The following PIGN variants were observed in gnomAD, a reference collection of about 807,000 sequenced individuals.
PIGN encodes the protein phosphatidylinositol glycan anchor biosynthesis class N, also known as GPI ethanolamine phosphate transferase 1.
In PIGN, 117 loss-of-function variants were observed where a neutral mutation model predicts 125.4. That is an observed-to-expected ratio of 0.93 (90% confidence interval 0.80 to 1.09). The LOEUF is 1.09. Among genes scored for constraint, PIGN ranks in the 50% least tolerant of loss-of-function variants. PIGN has a pLI of 0.00. For synonymous variants in PIGN, 392 were observed against 377.8 expected, an observed-to-expected ratio of 1.04 and a Z score of -0.44; for missense variants, 1,075 against 1,094.9, an observed-to-expected ratio of 0.98 and a Z score of 0.26.
intron 10 of PIGN, among the ~76,000 whole-genome samples, chr18:62,144,650 C>T (rs2036253915): frequency 6.6e-6 from 1 of 152,188 alleles, no homozygotes; most frequent in South Asian, 2.1e-4. Flanking sequence ...TTAGCCCACT[C>T]TATAAAATGT....
intron 23 of PIGN, among the ~76,000 whole-genome samples, chr18:62,024,468 C>A (rs997975220): frequency 2.6e-5 from 4 of 152,174 alleles, no homozygotes; most frequent in African/African-American, 7.2e-5. Context: ...TATCTGATAT[C>A]ATTTATACAA....
chr18:62,024,510 G>C lies in PIGN; in HGVS notation c.2143-6769C>G, dbSNP rs9963675. Among the ~76,000 whole-genome samples, 960 of 152,154 alleles carry C rather than the reference G, an allele frequency of 6.3e-3. 5 individuals carry two copies. Among genetic ancestry groups the C allele is most frequent in the African/African-American group, 0.017 (701 of 41,482 alleles). ...AGAAATTCTCTCCCCCTTAACCCTG[G>C]TTCTCCTCTTTTTCCTCCTCTCTAT... On this transcript the variant is annotated intron_variant, in intron 23 of 24. Coordinates refer to the PIGN transcript ENST00000639600.
chr18:62,138,391 G>A, intron 13 of PIGN, 93 bp from the exon 14 acceptor site: 2 of 1,414,130 alleles, frequency 1.4e-6, no homozygotes, highest in South Asian at 3.0e-5. Flanking sequence ...TTTAGGGATG[G>A]TTAACCACTT....
rs991288171 is a variant in PIGN at position 62,097,301 on chromosome 18, C to T, written c.2078-1351G>A. Among the ~76,000 whole-genome samples, 8 of 133,092 alleles carry T rather than the reference C, an allele frequency of 6.0e-5. No homozygotes were observed. In the East Asian group the frequency reaches 6.3e-4, roughly 11 times the overall value. The allele number at this position is 133,092 out of a possible 152,430, so 87.3% of individuals were successfully genotyped here. On this transcript the variant is annotated intron_variant, in intron 22 of 30. Transcript: ENST00000640252. ...CACTTCTCAAAAGAAGACATTTATG[C>T]AGCCAAAAAACACATGAAGAAATGC...
Position 62,088,759 on chromosome 18 carries a change from GA to G in PIGN, c.2366del (p.Phe789SerfsTer6), listed in dbSNP as rs1448492438. 31 of 1,543,796 alleles carry G rather than the reference GA, an allele frequency of 2.0e-5. No homozygotes were observed. The highest frequency in any genetic ancestry group is 2.4e-5 in the South Asian group (2 of 84,186). ...LYLDDIRRAF[F>X]LVFFLVTAFF... Reference sequence around the variant, plus strand: ...CCAAAGTCTCCACAAAGGATACAAGGAAAAAGGCCCTACGGATGTCATCCAG... The same window carrying G: ...CCAAAGTCTCCACAAAGGATACAAGGAAAAGGCCCTACGGATGTCATCCAG... On this transcript the variant is annotated frameshift_variant, in exon 25 of 31. Transcript: ENST00000640252. LOFTEE classifies it high-confidence loss of function.
At chr18:62,155,447 T>A (rs1307535220) in intron 6 of PIGN, among the ~76,000 whole-genome samples, 1 of 152,076 alleles carries the variant, frequency 6.6e-6, no homozygotes, top group Non-Finnish European at 1.5e-5. Context: ...TGTGCGCTTG[T>A]AATCCCAGCT....
At chr18:62,122,049 G>C (rs2035328963) in intron 14 of PIGN, among the ~76,000 whole-genome samples, 1 of 152,160 alleles carries the variant, frequency 6.6e-6, no homozygotes, top group Non-Finnish European at 1.5e-5. Context: ...AAGTAGAGGG[G>C]AGAAGGCAAT....
At chr18:62,140,799 T>G (rs1210980769) in intron 11 of PIGN, among the ~76,000 whole-genome samples, 1 of 152,190 alleles carries the variant, frequency 6.6e-6, no homozygotes, top group Non-Finnish European at 1.5e-5. Context: ...AAGGATGCCT[T>G]ATTTAGACAT....
downstream of PIGN, among the ~76,000 whole-genome samples, chr18:62,040,751 T>C (rs569323902): frequency 2.6e-5 from 4 of 152,200 alleles, no homozygotes; most frequent in Non-Finnish European, 5.9e-5. Flanking sequence ...TTTTAAAATG[T>C]TGACAGACGA....
chr18:62,118,089 T>C (rs2035158244), intron 14 of PIGN, among the ~76,000 whole-genome samples: 1 of 152,060 alleles, frequency 6.6e-6, no homozygotes, highest in Admixed American at 6.6e-5. Context: ...TTCTTTTGGA[T>C]ATTATTGGAT....
chr18:62,054,373 A>C (rs968929056), intron 30 of PIGN, among the ~76,000 whole-genome samples: 2 of 152,054 alleles, frequency 1.3e-5, no homozygotes, highest in African/African-American at 4.8e-5. Context: ...CTTAAAAAAA[A>C]AAACAAAAAA....
At chr18:62,023,234 AT>A (rs1252776114) in intron 23 of PIGN, among the ~76,000 whole-genome samples, 1 of 152,134 alleles carries the variant, frequency 6.6e-6, no homozygotes, top group Non-Finnish European at 1.5e-5. Flanking sequence ...GTCACTCCTT[AT>A]TCCCCACTTC....
chr18:62,038,652 G>GC (rs1285206330), downstream of PIGN, among the ~76,000 whole-genome samples: 1 of 152,170 alleles, frequency 6.6e-6, no homozygotes, highest in Non-Finnish European at 1.5e-5. Flanking sequence ...ATAATAATTG[G>GC]CTGGGCACAG....
intron 16 of PIGN, among the ~76,000 whole-genome samples, chr18:62,110,437 A>G (rs1271634443): frequency 1.3e-5 from 2 of 152,154 alleles, no homozygotes; most frequent in East Asian, 3.8e-4. Context: ...TTGCCCACCC[A>G]ATAGAAACTT....
chr18:62,045,768 C>T lies in PIGN; in HGVS notation c.*88G>A. On this transcript the variant is annotated 3_prime_UTR_variant, in exon 31 of 31. Coordinates refer to ENST00000640252, the MANE Select transcript of PIGN (RefSeq NM_176787.5). ...TACAGGAGTAGAATATACTATATATCCATATCCATCTTCTTATTGAAGCCT... is the reference window on the plus strand; with the variant it reads ...TACAGGAGTAGAATATACTATATATTCATATCCATCTTCTTATTGAAGCCT... 7.9e-7 allele frequency: 1 copy of T among 1,272,292 alleles called. No individual in the cohort carries two copies. Among genetic ancestry groups the T allele is most frequent in the Non-Finnish European group, 1.1e-6 (1 of 890,752 alleles). The allele number at this position is 1,272,292 out of a possible 1,614,324, so 78.8% of individuals were successfully genotyped here.
chr18:62,161,431 C>A, intron 3 of PIGN, 46 bp from the exon 4 acceptor site: 1 of 800,894 alleles, frequency 1.2e-6, no homozygotes, highest in Non-Finnish European at 2.0e-6. Flanking sequence ...TTAATGCATT[C>A]ATATGTATTT....
chr18:62,138,023 C>CTCTT (rs1208763613), intron 14 of PIGN: 1 of 543,612 alleles, frequency 1.8e-6, no homozygotes, highest in Non-Finnish European at 3.1e-6. Flanking sequence ...TCTCATGTAT[C>CTCTT]TCTCCATTCC....
chr18:62,084,484 T>C lies in PIGN; in HGVS notation c.2502+47A>G, dbSNP rs535296018. ...ACTCTGTCTAAATGACTTTATAATC[T>C]TAATCAATCAATAGCTTAAGACAAA... On this transcript the variant is annotated intron_variant, in intron 27 of 30. Transcript: ENST00000640252. The C allele has an allele frequency of 4.6e-5, 56 of 1,207,826 alleles. No homozygotes were observed. The African/African-American group carries it at 8.6e-4, about 19-fold the overall frequency. The allele number at this position is 1,207,826 out of a possible 1,614,324, so 74.8% of individuals were successfully genotyped here. A position where few individuals can be genotyped will look rare whatever the true frequency, so the allele number is the denominator to read the frequency against.
At chr18:62,166,100 T>A (rs977808593) in intron 1 of PIGN, among the ~76,000 whole-genome samples, 2 of 152,200 alleles carry the variant, frequency 1.3e-5, no homozygotes, top group African/African-American at 4.8e-5. Context: ...AAGCTGGAGT[T>A]AAATTCTCAG....
Sources: allele counts gnomAD v4.1 joint callset (sites outside exome capture counted in the v4.1 genomes callset), GRCh38; gene constraint gnomAD v4.1.1; transcripts MANE v1.5; gene names NCBI Gene and HGNC (gene_info 2026-07-23, HGNC 2026-07-21).